Variants in CXCL13 observed in about 807,000 individuals in gnomAD.
CXCL13 encodes the protein C-X-C motif chemokine 13.
In CXCL13, 7 loss-of-function variants were observed where a neutral mutation model predicts 12.2. That is an observed-to-expected ratio of 0.57 (90% CI 0.33 to 1.07). The LOEUF (loss-of-function observed/expected upper bound fraction) is 1.07. Ranked by LOEUF, CXCL13 falls within the 50% of genes least tolerant of loss-of-function variation. CXCL13 has a pLI of 0.04. For missense variants in CXCL13, 113 were observed against 127.4 expected (o/e 0.89, Z 0.55); for synonymous variants, 47 against 42.4 (o/e 1.11, Z -0.42).
At position 77,611,071 on chromosome 4, in the gene CXCL13, C is replaced by A. The variant is rs753166892; in HGVS notation, c.*32C>A. On this transcript the variant is annotated 3_prime_UTR_variant, in exon 4 of 4. Transcript: ENST00000682537. ...TATTTCCACTAAGAACACCTGCATT[C>A]TTCCCTTATCCCTGCTCTGGATTTT... 3.2e-6 allele frequency: 5 copies of A among 1,551,856 alleles called. No individual in the cohort carries two copies. The highest frequency in any genetic ancestry group is 1.1e-5 in the South Asian group (1 of 88,810).
chr4:77,587,026 C>T (rs888234175), intron 1 of CXCL13, among the ~76,000 whole-genome samples: 2 of 152,126 alleles, frequency 1.3e-5, no homozygotes, highest in Admixed American at 6.6e-5. Context: ...GGTAGCTTGG[C>T]AGTATGGGGC....
At chr4:77,582,987 G>A (rs1007000487) in intron 1 of CXCL13, among the ~76,000 whole-genome samples, 1 of 152,184 alleles carries the variant, frequency 6.6e-6, no homozygotes, top group East Asian at 1.9e-4. Context: ...CATGGCTGAA[G>A]ATGCCATTAT....
intron 1 of CXCL13, among the ~76,000 whole-genome samples, chr4:77,546,167 T>C (rs1725357929): frequency 6.6e-6 from 1 of 152,208 alleles, no homozygotes; most frequent in South Asian, 2.1e-4. Flanking sequence ...TTACTGAGGA[T>C]TTTTGCATCA....
In CXCL13 at chr4:77,518,102, T is replaced by G. The variant is rs142282714; in HGVS notation, c.-43+6314T>G. Among the ~76,000 whole-genome samples the G allele has an allele frequency of 3.8e-3, 584 of 152,282 alleles. 18 individuals carry two copies. Among genetic ancestry groups the G allele is most frequent in the East Asian group, 0.014 (73 of 5,182 alleles). On this transcript the variant is annotated intron_variant, in intron 1 of 4. Transcript: ENST00000286758. ...ATTCTGGGTTGAAAATTCTTTTCTT[T>G]AAGAATGGTGAATATTGGCCCCCAC... is the stretch of plus-strand genomic sequence containing the variant.
chr4:77,555,475 AG>A (rs964243845), intron 1 of CXCL13, among the ~76,000 whole-genome samples: 1 of 152,102 alleles, frequency 6.6e-6, no homozygotes, highest in African/African-American at 2.4e-5. Context: ...ATGTGAAAAA[AG>A]CATGAACTTC....
chr4:77,573,498 A>C (rs1371225797), intron 1 of CXCL13, among the ~76,000 whole-genome samples: 6 of 151,600 alleles, frequency 4.0e-5, no homozygotes, highest in Non-Finnish European at 8.8e-5. Context: ...AAGTGTTCCC[A>C]AAAATTAAAG....
intron 1 of CXCL13, among the ~76,000 whole-genome samples, chr4:77,518,721 T>C (rs1419443571): frequency 2.0e-5 from 3 of 152,186 alleles, no homozygotes; most frequent in Non-Finnish European, 4.4e-5. Flanking sequence ...AGTTTTTAAC[T>C]TCTTTGCCTT....
At chr4:77,523,506 T>C (rs920270421) in intron 1 of CXCL13, among the ~76,000 whole-genome samples, 10 of 152,226 alleles carry the variant, frequency 6.6e-5, no homozygotes, top group African/African-American at 9.6e-5. Context: ...TCAAATCAGC[T>C]ACTGAAGCTT....
intron 1 of CXCL13, 39 bp from the exon 2 acceptor site, chr4:77,607,664 C>G: frequency 6.4e-7 from 1 of 1,564,960 alleles, no homozygotes; most frequent in Non-Finnish European, 8.7e-7. Flanking sequence ...GAATTACATG[C>G]CAATGGATTA....
intron 1 of CXCL13, among the ~76,000 whole-genome samples, chr4:77,553,965 A>G (rs1445004544): frequency 6.6e-6 from 1 of 152,210 alleles, no homozygotes; most frequent in African/African-American, 2.4e-5. Context: ...TGGAAGAGGA[A>G]TAGGTAACTA....
chr4:77,534,113 C>T (rs997793798), intron 1 of CXCL13, among the ~76,000 whole-genome samples: 5 of 152,214 alleles, frequency 3.3e-5, no homozygotes, highest in African/African-American at 1.2e-4. Flanking sequence ...AATCACCCGT[C>T]TTCTGCGTTG....
In CXCL13 at chr4:77,607,848, A is replaced by G; in HGVS notation, c.197+13A>G. On this transcript the variant is annotated intron_variant, in intron 2 of 3. Coordinates refer to ENST00000682537, the MANE Select transcript of CXCL13 (RefSeq NM_001371558.1). Reference sequence around the variant, plus strand: ...GAAAAGAAATCATGTAAGTTTCAAGAGAAAAATAAATAAGATTTCCTTCTC... The same window carrying G: ...GAAAAGAAATCATGTAAGTTTCAAGGGAAAAATAAATAAGATTTCCTTCTC... 1.9e-6 allele frequency: 3 copies of G among 1,612,830 alleles called. No individual in the cohort carries two copies. The highest frequency in any genetic ancestry group is 2.5e-6 in the Non-Finnish European group (3 of 1,178,966).
intron 1 of CXCL13, among the ~76,000 whole-genome samples, chr4:77,539,702 T>C (rs962357565): frequency 2.0e-5 from 3 of 152,228 alleles, no homozygotes; most frequent in African/African-American, 7.2e-5. Flanking sequence ...CCTGAGATCT[T>C]TTTGGGAAGC....
chr4:77,568,950 G>T (rs935440737), intron 1 of CXCL13, among the ~76,000 whole-genome samples: 2 of 152,146 alleles, frequency 1.3e-5, no homozygotes, highest in Non-Finnish European at 2.9e-5. Flanking sequence ...GGGGAAAATA[G>T]CTGGGTTCTT....
intron 1 of CXCL13, among the ~76,000 whole-genome samples, chr4:77,525,684 T>C (rs528551825): frequency 9.2e-5 from 14 of 152,222 alleles, no homozygotes; most frequent in African/African-American, 3.4e-4. Context: ...TTTGTTAGAA[T>C]GACTAAGTTA....
rs1037603017 is a variant in CXCL13 at position 77,524,742 on chromosome 4, T to C, written c.-43+12954T>C. Among the ~76,000 whole-genome samples the C allele has an allele frequency of 8.5e-5, 13 of 152,184 alleles. No individual in the cohort carries two copies. In the South Asian group the frequency reaches 1.2e-3, roughly 15 times the overall value. ...TGGGCTGCATCCACTGTCCAACCAG[T>C]CCCAGTGAGATGAACCAGGTACCTC... On this transcript the variant is annotated intron_variant, in intron 1 of 4. Coordinates refer to the CXCL13 transcript ENST00000286758.
intron 1 of CXCL13, among the ~76,000 whole-genome samples, chr4:77,526,349 A>G (rs901603561): frequency 1.3e-5 from 2 of 152,160 alleles, no homozygotes; most frequent in African/African-American, 4.8e-5. Context: ...TTCATCTAAT[A>G]TGCTTAAAGG....
At chr4:77,528,624 T>A (rs1246924022) in intron 1 of CXCL13, among the ~76,000 whole-genome samples, 3 of 152,236 alleles carry the variant, frequency 2.0e-5, no homozygotes, top group Non-Finnish European at 4.4e-5. Context: ...TTGATGGGCC[T>A]GTTTGTTTTT....
At chr4:77,513,134 T>C (rs1466083562) in intron 1 of CXCL13, among the ~76,000 whole-genome samples, 1 of 152,160 alleles carries the variant, frequency 6.6e-6, no homozygotes, top group Non-Finnish European at 1.5e-5. Context: ...CTATTCCATA[T>C]ACACCATGGT....
Sources: gnomAD v4.1 joint callset for allele counts (sites outside exome capture counted in the v4.1 genomes callset) on GRCh38, gnomAD v4.1.1 for gene constraint, MANE v1.5 for transcripts, NCBI Gene and HGNC (gene_info 2026-07-23, HGNC 2026-07-21) for gene names.